Variants in FBXO11 observed in about 807,000 individuals in gnomAD.
FBXO11 encodes the protein F-box only protein 11.
Under a neutral mutation model 117.0 loss-of-function variants are expected in FBXO11, and 13 were observed. The observed-to-expected ratio is 0.11, with a 90% CI of 0.07 to 0.18. The LOEUF (loss-of-function observed/expected upper bound fraction) is 0.18, where lower values mean the gene tolerates loss of function less well. Ranked by LOEUF, FBXO11 falls within the 10% of genes least tolerant of loss-of-function variation. The pLI is 1.00. For missense variants in FBXO11, 767 were observed against 1,164.4 expected (o/e 0.66, Z 4.97); for synonymous variants, 490 against 380.5 (o/e 1.29, Z -3.35).
intron 1 of FBXO11, among the ~76,000 whole-genome samples, chr2:47,889,866 T>C (rs1245734359): frequency 1.3e-5 from 2 of 152,214 alleles, no homozygotes; most frequent in Non-Finnish European, 2.9e-5. Context: ...AATTATCCAG[T>C]ACATTTGCAT....
intron 1 of FBXO11, among the ~76,000 whole-genome samples, chr2:47,894,340 G>A (rs1441119251): frequency 2.0e-5 from 3 of 152,100 alleles, no homozygotes; most frequent in Non-Finnish European, 4.4e-5. Context: ...GGGTAGTCAA[G>A]AATATGCAGA....
intron 1 of FBXO11, among the ~76,000 whole-genome samples, chr2:47,872,231 G>A (rs1392225466): frequency 6.6e-6 from 1 of 152,190 alleles, no homozygotes; most frequent in Non-Finnish European, 1.5e-5. Context: ...ATTTAGTGTA[G>A]AGCTGCAGTT....
intron 4 of FBXO11, chr2:47,836,958 A>C (rs1400853202): frequency 7.9e-6 from 3 of 382,102 alleles, no homozygotes; most frequent in South Asian, 5.6e-5. Context: ...GGCTGGTCTC[A>C]AACTCCTGGG....
chr2:47,859,611 C>G (rs1039406262), intron 1 of FBXO11, among the ~76,000 whole-genome samples: 1 of 152,198 alleles, frequency 6.6e-6, no homozygotes, highest in African/African-American at 2.4e-5. Flanking sequence ...TGAAGCTTTA[C>G]TCTTGTCTTT....
At chr2:47,827,252 A>G (rs1273509845) in intron 11 of FBXO11, among the ~76,000 whole-genome samples, 1 of 152,238 alleles carries the variant, frequency 6.6e-6, no homozygotes, top group Non-Finnish European at 1.5e-5. Flanking sequence ...TAATTTTGCA[A>G]GAAAACTTAT....
chr2:47,900,725 C>T (rs1336873273), intron 1 of FBXO11, among the ~76,000 whole-genome samples: 2 of 118,774 alleles, frequency 1.7e-5, no homozygotes, highest in East Asian at 5.1e-4. Flanking sequence ...TACACGTATA[C>T]ACACACGTGT....
chr2:47,893,178 A>ATAAATAAATAAATAAC (rs143235143), intron 1 of FBXO11, among the ~76,000 whole-genome samples: 12 of 151,960 alleles, frequency 7.9e-5, no homozygotes, highest in African/African-American at 2.2e-4. Context: ...AAATAAATAA[A>ATAAATAAATAAATAAC]TAAATAAATG....
intron 1 of FBXO11, among the ~76,000 whole-genome samples, chr2:47,885,005 T>C (rs1055568037): frequency 1.3e-5 from 2 of 152,200 alleles, no homozygotes; most frequent in African/African-American, 4.8e-5. Flanking sequence ...GCAACTTCAT[T>C]ACCAAACAGT....
At chr2:47,852,607 T>TA (rs1372510400) in intron 1 of FBXO11, among the ~76,000 whole-genome samples, 2 of 152,230 alleles carry the variant, frequency 1.3e-5, no homozygotes, top group Non-Finnish European at 2.9e-5. Context: ...TACTTTTCAC[T>TA]ACTAAGTAAT....
intron 16 of FBXO11, among the ~76,000 whole-genome samples, chr2:47,818,159 C>A (rs1671138871): frequency 6.6e-6 from 1 of 152,104 alleles, no homozygotes; most frequent in South Asian, 2.1e-4. Flanking sequence ...CCATAACAGA[C>A]ATAATGATAA....
At chr2:47,897,945 G>A (rs997675472) in intron 1 of FBXO11, among the ~76,000 whole-genome samples, 1 of 152,116 alleles carries the variant, frequency 6.6e-6, no homozygotes, top group African/African-American at 2.4e-5. Flanking sequence ...AAGGATGAAT[G>A]ACACCTCTTC....
chr2:47,839,784 A>C lies in FBXO11; in HGVS notation c.233-15T>G. On this transcript the variant is annotated splice_polypyrimidine_tract_variant and intron_variant, in intron 1 of 22. Transcript: ENST00000403359. ...CACATCATCATCTGTTATAAACAAA[A>C]GCAATAAGAAAAATTATACCCTTTT... 6.3e-7 allele frequency: 1 copy of C among 1,593,648 alleles called. No individual in the cohort carries two copies. The highest frequency in any genetic ancestry group is 8.5e-7 in the Non-Finnish European group (1 of 1,174,704).
intron 11 of FBXO11, among the ~76,000 whole-genome samples, chr2:47,830,901 G>C (rs1335692062): frequency 6.6e-6 from 1 of 152,118 alleles, no homozygotes; most frequent in African/African-American, 2.4e-5. Flanking sequence ...CTGGGCTCAA[G>C]TGATCCTCCT....
In FBXO11 at chr2:47,834,866, T is replaced by C; in HGVS notation, c.723A>G (p.Lys241=). Residue 241 remains lysine, a synonymous_variant, in exon 6 of 23, where the codon AAA becomes AAG. Coordinates refer to ENST00000403359, the MANE Select transcript of FBXO11 (RefSeq NM_001190274.2). Reference sequence around the variant, plus strand: ...CAAATCCTGGCTTTACATGTGCACCTTTATACTAAAATGTCAAAAACAAAA... The same window carrying C: ...CAAATCCTGGCTTTACATGTGCACCCTTATACTAAAATGTCAAAAACAAAA... ...PWKESFQQLY[K]GAHVKPGFAE... is the part of the protein sequence containing the mutation. The C allele has an allele frequency of 6.2e-7, 1 of 1,611,614 alleles. No individual in the cohort carries two copies. The highest frequency in any genetic ancestry group is 8.5e-7 in the Non-Finnish European group (1 of 1,178,744).
At chr2:47,819,421 G>C (rs1671226020) in intron 14 of FBXO11, among the ~76,000 whole-genome samples, 1 of 152,072 alleles carries the variant, frequency 6.6e-6, no homozygotes, top group African/African-American at 2.4e-5. Flanking sequence ...TCACCATCTT[G>C]GCCAGGGTGG....
rs2104856155 is a variant in FBXO11 at position 47,838,902 on chromosome 2, C to T, written c.544G>A (p.Val182Ile). 2 of 1,614,020 alleles carry T rather than the reference C, an allele frequency of 1.2e-6. No homozygotes were observed. The highest frequency in any genetic ancestry group is 8.5e-7 in the Non-Finnish European group (1 of 1,179,928). ...LEQDLCRAACVCKRFSELAND... is the reference protein window; with the variant it reads ...LEQDLCRAACICKRFSELAND... ...GCAAGTTCACTGAAGCGTTTACATA[C>T]ACAAGCTGCTCTACAAAGATCCTGT... Residue 182 changes from valine (V) to isoleucine (I), a missense_variant, in exon 4 of 23, where the codon GTA (valine) becomes ATA (isoleucine). Transcript: ENST00000403359.
At chr2:47,889,089 T>C (rs535006872) in intron 1 of FBXO11, among the ~76,000 whole-genome samples, 9 of 152,334 alleles carry the variant, frequency 5.9e-5, no homozygotes, top group African/African-American at 2.2e-4. Context: ...CTTTTTTTTA[T>C]AAGTTAGCAG....
intron 1 of FBXO11, among the ~76,000 whole-genome samples, chr2:47,847,605 A>C (rs1320381552): frequency 6.6e-6 from 1 of 152,098 alleles, no homozygotes; most frequent in African/African-American, 2.4e-5. Flanking sequence ...GCTACTCAGG[A>C]GGCTAAGGCA....
chr2:47,903,768 T>C (rs1302894946), intron 1 of FBXO11, among the ~76,000 whole-genome samples: 1 of 152,220 alleles, frequency 6.6e-6, no homozygotes, highest in Non-Finnish European at 1.5e-5. Flanking sequence ...TCGAGTGTCA[T>C]TGTTTTCTCA....
Sources: gnomAD v4.1 joint callset for allele counts (sites outside exome capture counted in the v4.1 genomes callset) on GRCh38, gnomAD v4.1.1 for gene constraint, MANE v1.5 for transcripts, NCBI Gene and HGNC (gene_info 2026-07-23, HGNC 2026-07-21) for gene names.